Variants in KCNMA1 observed in about 807,000 individuals in gnomAD.
KCNMA1 encodes the protein Calcium-activated potassium channel subunit alpha-1.
In KCNMA1, 29 loss-of-function variants were observed where a neutral mutation model predicts 140.0. The observed-to-expected ratio is 0.21, with a 90% CI of 0.15 to 0.28. The LOEUF (loss-of-function observed/expected upper bound fraction) is 0.28. Ranked by LOEUF, KCNMA1 falls within the 10% of genes least tolerant of loss-of-function variation. The pLI is 1.00. For synonymous variants in KCNMA1, 612 were observed against 611.9 expected (o/e 1.00, Z 0.00); for missense variants, 880 against 1,602.2 (o/e 0.55, Z 7.70).
At chr10:76,997,486 G>T (rs76819493) in intron 19 of KCNMA1, among the ~76,000 whole-genome samples, 2,928 of 152,312 alleles carry the variant, frequency 0.019, 92 homozygotes, top group East Asian at 0.12. Flanking sequence ...CTGATGCTTT[G>T]TGACTAGAAT....
chr10:77,514,453 G>T (rs1407924978), intron 1 of KCNMA1, among the ~76,000 whole-genome samples: 1 of 152,124 alleles, frequency 6.6e-6, no homozygotes, highest in Non-Finnish European at 1.5e-5. Flanking sequence ...TCCAAGCAGG[G>T]ACCAGAGGTA....
chr10:77,034,777 G>A (rs958600876), intron 15 of KCNMA1, among the ~76,000 whole-genome samples: 1 of 152,210 alleles, frequency 6.6e-6, no homozygotes, highest in Admixed American at 6.5e-5. Context: ...TCCATCAGCT[G>A]CAGAGGGACA....
intron 1 of KCNMA1, among the ~76,000 whole-genome samples, chr10:77,525,125 A>G (rs1299399902): frequency 6.6e-6 from 1 of 152,268 alleles, no homozygotes; most frequent in Admixed American, 6.5e-5. Flanking sequence ...CAATGTATAC[A>G]CATTAAAATA....
intron 14 of KCNMA1, 49 bp downstream of exon 14, chr10:77,073,048 C>T (rs201294119): frequency 1.3e-5 from 21 of 1,580,206 alleles, no homozygotes; most frequent in African/African-American, 2.7e-5. Context: ...CTCAACCCCA[C>T]GACAAATGGA....
intron 1 of KCNMA1, among the ~76,000 whole-genome samples, chr10:77,506,249 G>A (rs1411875325): frequency 6.6e-6 from 1 of 152,076 alleles, no homozygotes; most frequent in Non-Finnish European, 1.5e-5. Context: ...TGACCCTGAT[G>A]GGCAGGTCCA....
intron 1 of KCNMA1, among the ~76,000 whole-genome samples, chr10:77,539,138 G>A: frequency 6.6e-6 from 1 of 152,170 alleles, no homozygotes; most frequent in South Asian, 2.1e-4. Flanking sequence ...CTAGGTAAGA[G>A]CATATGTCTC....
chr10:77,001,971 C>A (rs1055810319), intron 18 of KCNMA1, among the ~76,000 whole-genome samples: 1 of 152,190 alleles, frequency 6.6e-6, no homozygotes, highest in South Asian at 2.1e-4. Context: ...AATATACACA[C>A]TGCCAATCAA....
At chr10:77,260,011 G>T (rs572442743) in intron 2 of KCNMA1, among the ~76,000 whole-genome samples, 1 of 152,204 alleles carries the variant, frequency 6.6e-6, no homozygotes, top group Non-Finnish European at 1.5e-5. Flanking sequence ...GCAAAAGAGA[G>T]GTGGGAGAAA....
chr10:77,000,966 A>G (rs1393550222), intron 19 of KCNMA1, among the ~76,000 whole-genome samples: 1 of 149,416 alleles, frequency 6.7e-6, no homozygotes, highest in African/African-American at 2.5e-5. Context: ...GCTCACTAAA[A>G]GCAATTCAAT....
At chr10:77,403,296 G>A (rs940113189) in intron 2 of KCNMA1, among the ~76,000 whole-genome samples, 2 of 152,100 alleles carry the variant, frequency 1.3e-5, no homozygotes, top group African/African-American at 2.4e-5. Context: ...GCGAGCTCTA[G>A]GTACACGGGC....
intron 9 of KCNMA1, among the ~76,000 whole-genome samples, chr10:77,102,494 G>A (rs867473242): frequency 1.3e-5 from 2 of 152,308 alleles, no homozygotes; most frequent in East Asian, 1.9e-4. Flanking sequence ...GGGAAGATAC[G>A]CAGGATGCCA....
intron 18 of KCNMA1, among the ~76,000 whole-genome samples, chr10:77,011,356 T>A (rs2090683263): frequency 6.6e-6 from 1 of 152,172 alleles, no homozygotes; most frequent in Non-Finnish European, 1.5e-5. Flanking sequence ...CAGAAACAAC[T>A]GAGCCCAGTC....
intron 2 of KCNMA1, among the ~76,000 whole-genome samples, chr10:77,396,745 C>A (rs1397179643): frequency 2.0e-5 from 3 of 152,074 alleles, no homozygotes; most frequent in African/African-American, 7.2e-5. Flanking sequence ...CTTCTTACAT[C>A]GATAAATCAT....
intron 2 of KCNMA1, among the ~76,000 whole-genome samples, chr10:77,368,583 C>G (rs2094501175): frequency 6.6e-6 from 1 of 152,076 alleles, no homozygotes. Context: ...TGTGAATCAT[C>G]TTTTTGGGGT....
intron 1 of KCNMA1, among the ~76,000 whole-genome samples, chr10:77,425,503 T>C (rs1203077360): frequency 5.3e-5 from 8 of 152,262 alleles, no homozygotes; most frequent in East Asian, 3.9e-4. Flanking sequence ...GCCCATGGCA[T>C]GCAGCTGAGG....
chr10:77,025,099 T>C (rs1213221486), intron 16 of KCNMA1, among the ~76,000 whole-genome samples: 1 of 151,562 alleles, frequency 6.6e-6, no homozygotes, highest in Non-Finnish European at 1.5e-5. Context: ...ATTGGTGCCA[T>C]GACTGAAAAC....
intron 1 of KCNMA1, among the ~76,000 whole-genome samples, chr10:77,553,189 C>CT (rs771487738): frequency 1.7e-4 from 26 of 152,212 alleles, no homozygotes; most frequent in Non-Finnish European, 8.8e-5. Flanking sequence ...AGTATCATTC[C>CT]TTTATTGAGT....
At chr10:77,321,072 A>T (rs906333761) in intron 2 of KCNMA1, among the ~76,000 whole-genome samples, 4 of 152,222 alleles carry the variant, frequency 2.6e-5, no homozygotes, top group African/African-American at 9.6e-5. Flanking sequence ...GTACTCTAGC[A>T]GCTTAATATT....
chr10:77,090,538 G>T, intron 9 of KCNMA1, 28 bp from the exon 10 acceptor site: 8 of 1,479,116 alleles, frequency 5.4e-6, no homozygotes, highest in Admixed American at 1.7e-5. Flanking sequence ...GTTAGATCAG[G>T]CCAGGCACCA....
Sources: gnomAD v4.1 joint callset for allele counts (sites outside exome capture counted in the v4.1 genomes callset) on GRCh38, gnomAD v4.1.1 for gene constraint, MANE v1.5 for transcripts, NCBI Gene and HGNC (gene_info 2026-07-23, HGNC 2026-07-21) for gene names.